The following TANGO6 variants were observed in gnomAD, a reference collection of about 807,000 sequenced individuals.
The protein encoded by TANGO6 is transport and golgi organization 6 homolog, also known as transport and Golgi organization protein 6 homolog.
TANGO6 carries 90 observed loss-of-function variants against 114.2 expected under a neutral mutation model. That is an observed-to-expected ratio of 0.79 (90% CI 0.66 to 0.94). The LOEUF (loss-of-function observed/expected upper bound fraction) is 0.94, where lower values mean the gene tolerates loss of function less well. TANGO6 is among the 40% of genes least tolerant of loss of function. The pLI, the probability that TANGO6 is intolerant of heterozygous loss-of-function variation, is 0.00. For missense variants in TANGO6, 1,274 were observed against 1,315.3 expected (o/e 0.97, Z 0.49); for synonymous variants, 477 against 509.8 (o/e 0.94, Z 0.87).
chr16:68,903,961 G>A (rs2152183094), intron 9 of TANGO6, among the ~76,000 whole-genome samples: 1 of 151,958 alleles, frequency 6.6e-6, no homozygotes, highest in South Asian at 2.1e-4. Flanking sequence ...AACTCTATAA[G>A]AGCAGCTTGG....
intron 1 of TANGO6, among the ~76,000 whole-genome samples, chr16:68,851,184 G>A (rs139843419): frequency 4.5e-4 from 68 of 151,710 alleles, no homozygotes; most frequent in African/African-American, 1.5e-3. Context: ...TTTTGAGATG[G>A]AGTCTCGCTC....
intron 14 of TANGO6, among the ~76,000 whole-genome samples, chr16:68,953,889 G>A (rs1371893339): frequency 4.6e-5 from 7 of 152,062 alleles, no homozygotes; most frequent in Non-Finnish European, 7.4e-5. Flanking sequence ...GACAGCAAGG[G>A]AACGAGGCAG....
chr16:68,988,682 TTC>T (rs1202209734), intron 15 of TANGO6, among the ~76,000 whole-genome samples: 3 of 149,352 alleles, frequency 2.0e-5, no homozygotes, highest in South Asian at 4.2e-4. Flanking sequence ...AGAGTTTAAG[TTC>T]TCTCTCTCTT....
At chr16:68,869,451 C>G (rs1158449125) in intron 4 of TANGO6, among the ~76,000 whole-genome samples, 1 of 152,210 alleles carries the variant, frequency 6.6e-6, no homozygotes, top group East Asian at 1.9e-4. Context: ...GCACTCCAGC[C>G]TGGGTGGGAG....
intron 16 of TANGO6, among the ~76,000 whole-genome samples, chr16:69,037,842 A>G (rs750878856): frequency 2.6e-5 from 4 of 152,240 alleles, no homozygotes; most frequent in Non-Finnish European, 5.9e-5. Context: ...CCAGCGCATC[A>G]CAGACGCAAT....
chr16:68,939,269 A>T (rs1244258848), intron 14 of TANGO6, among the ~76,000 whole-genome samples: 2 of 152,152 alleles, frequency 1.3e-5, no homozygotes, highest in Non-Finnish European at 2.9e-5. Context: ...AGGCGCCTGT[A>T]ATCCCAGCTA....
chr16:68,923,104 C>T (rs1457886195), intron 12 of TANGO6, among the ~76,000 whole-genome samples: 5 of 151,020 alleles, frequency 3.3e-5, no homozygotes, highest in South Asian at 2.1e-4. Flanking sequence ...TGCACCACCA[C>T]GCCCGGCTCA....
At chr16:68,942,341 A>G (rs2152202332) in intron 14 of TANGO6, among the ~76,000 whole-genome samples, 1 of 152,236 alleles carries the variant, frequency 6.6e-6, no homozygotes, top group South Asian at 2.1e-4. Context: ...AAAAAGTTAC[A>G]TGGATGTTAA....
At chr16:68,890,355 A>G (rs1962595309) in intron 7 of TANGO6, among the ~76,000 whole-genome samples, 1 of 152,266 alleles carries the variant, frequency 6.6e-6, no homozygotes, top group African/African-American at 2.4e-5. Context: ...ATTGGTCCTT[A>G]TGCCAAAAGC....
chr16:69,036,311 C>T (rs1959686291), intron 16 of TANGO6, among the ~76,000 whole-genome samples: 2 of 152,184 alleles, frequency 1.3e-5, no homozygotes, highest in South Asian at 4.1e-4. Flanking sequence ...AGCAGCATTA[C>T]AAGCTGGTTA....
intron 17 of TANGO6, among the ~76,000 whole-genome samples, chr16:69,067,354 C>T (rs1960228652): frequency 6.6e-6 from 1 of 150,806 alleles, no homozygotes; most frequent in African/African-American, 2.4e-5. Flanking sequence ...ACTAAAAATA[C>T]AAAAAATTAG....
chr16:68,857,526 A>G (rs1962016822), intron 1 of TANGO6, among the ~76,000 whole-genome samples: 1 of 152,042 alleles, frequency 6.6e-6, no homozygotes, highest in Non-Finnish European at 1.5e-5. Context: ...TAAGTTTTCA[A>G]CTCATTTGGA....
At chr16:68,879,685 C>T (rs372346793) in intron 6 of TANGO6, among the ~76,000 whole-genome samples, 2 of 149,402 alleles carry the variant, frequency 1.3e-5, no homozygotes, top group Non-Finnish European at 1.5e-5. Context: ...GGCATGATCT[C>T]GGCTCACTGC....
intron 17 of TANGO6, among the ~76,000 whole-genome samples, chr16:69,058,127 A>G (rs1010819337): frequency 1.3e-5 from 2 of 152,130 alleles, no homozygotes; most frequent in Non-Finnish European, 2.9e-5. Flanking sequence ...TGCAAAACCC[A>G]TTTATCTTTG....
intron 15 of TANGO6, among the ~76,000 whole-genome samples, chr16:68,982,472 G>A (rs1963845930): frequency 6.6e-6 from 1 of 151,962 alleles, no homozygotes; most frequent in Non-Finnish European, 1.5e-5. Flanking sequence ...TGGGATTACA[G>A]GTGCCTGCCA....
At chr16:68,967,776 A>G (rs1377747148) in intron 14 of TANGO6, among the ~76,000 whole-genome samples, 2 of 152,116 alleles carry the variant, frequency 1.3e-5, no homozygotes, top group African/African-American at 2.4e-5. Context: ...GAGGCAGGTT[A>G]GTTTTGAGGT....
chr16:68,980,431 A>G (rs1325094868), intron 15 of TANGO6, among the ~76,000 whole-genome samples: 2 of 75,964 alleles, frequency 2.6e-5, no homozygotes, highest in African/African-American at 9.7e-5. Flanking sequence ...ATATATATAT[A>G]TATATTTTTT....
intron 16 of TANGO6, among the ~76,000 whole-genome samples, chr16:69,036,455 C>T (rs900826321): frequency 2.6e-5 from 4 of 152,156 alleles, no homozygotes; most frequent in African/African-American, 4.8e-5. Flanking sequence ...GTCCTGGTGA[C>T]AGAGGGGTTG....
chr16:68,861,968 A>G (rs1962098346), intron 2 of TANGO6, among the ~76,000 whole-genome samples: 1 of 152,214 alleles, frequency 6.6e-6, no homozygotes. Flanking sequence ...TCTATTGCTC[A>G]TAAAGGCAAA....
Sources: gnomAD v4.1 joint callset for allele counts (sites outside exome capture counted in the v4.1 genomes callset) on GRCh38, gnomAD v4.1.1 for gene constraint, MANE v1.5 for transcripts, NCBI Gene and HGNC (gene_info 2026-07-23, HGNC 2026-07-21) for gene names.